SLC39A3: variants seen among roughly 807,000 people sequenced by gnomAD.
SLC39A3 encodes the protein zinc transporter ZIP3.
Under a neutral mutation model 5.1 loss-of-function variants are expected in SLC39A3, and 3 were observed. The ratio of observed to expected loss-of-function variants is 0.59; its 90% confidence interval spans 0.27 to 1.54. The LOEUF is 1.54. Among genes scored for constraint, SLC39A3 ranks in the 40% most tolerant of loss-of-function variants. SLC39A3 has a pLI of 0.12. For missense variants in SLC39A3, 412 were observed against 436.4 expected, an observed-to-expected ratio of 0.94 and a Z score of 0.50; for synonymous variants, 250 against 218.8, an observed-to-expected ratio of 1.14 and a Z score of -1.26.
chr19:2,736,347 C>T, intron 2 of SLC39A3: 1 of 227,090 alleles, frequency 4.4e-6, no homozygotes, highest in Non-Finnish European at 7.4e-6. Context: ...TGACATGGGA[C>T]TGTGCCCTCT....
Position 2,733,622 on chromosome 19 carries a change from G to T in SLC39A3, c.211-137C>A. The T allele has an allele frequency of 8.5e-7, 1 of 1,178,742 alleles. No individual in the cohort carries two copies. Among genetic ancestry groups the T allele is most frequent in the East Asian group, 2.6e-5 (1 of 38,948 alleles). The allele number at this position is 1,178,742 out of a possible 1,614,324, so 73.0% of individuals were successfully genotyped here. ...ACAGAGGTTAAAACAAGTGGGAGAGGAAGGGCTCGCCTGTGATGAATTAAC... is the reference window on the plus strand; with the variant it reads ...ACAGAGGTTAAAACAAGTGGGAGAGTAAGGGCTCGCCTGTGATGAATTAAC... On this transcript the variant is annotated intron_variant, in intron 2 of 2. Coordinates refer to ENST00000269740, the MANE Select transcript of SLC39A3 (RefSeq NM_144564.5). This position sits in a 1 kb window ranked among gnomAD's most constrained non-coding sequence, Gnocchi z 6.1.
rs761058812 is a variant in SLC39A3, at chr19:2,735,190, CAGG to C, written c.211-1708_211-1706del. On this transcript the variant is annotated intron_variant, in intron 2 of 2. Coordinates refer to ENST00000269740, the MANE Select transcript of SLC39A3 (RefSeq NM_144564.5). The surrounding 1 kb of genome is among the most constrained non-coding windows in gnomAD (Gnocchi z 5.7). ...GGGGCTGGCAGTGGCCTCTGCGATG[CAGG>C]AGATGTCAGAGATGACCAAGATCTC... 1 of 985,348 alleles carries C rather than the reference CAGG, an allele frequency of 1.0e-6. No homozygotes were observed. Among genetic ancestry groups the C allele is most frequent in the Admixed American group, 6.1e-5 (1 of 16,272 alleles). The allele number at this position is 985,348 out of a possible 1,614,324, so 61.0% of individuals were successfully genotyped here. A position where few individuals can be genotyped will look rare whatever the true frequency, so the allele number is the denominator to read the frequency against.
rs1030345095 is a variant in SLC39A3, at chr19:2,734,255, G to A, written c.211-770C>T. Among the ~76,000 whole-genome samples, 1 of 152,230 alleles carries A rather than the reference G, an allele frequency of 6.6e-6. No homozygotes were observed. The highest frequency in any genetic ancestry group is 6.5e-5 in the Admixed American group (1 of 15,286). ...CAACAGCTCCCTGGAGCCTCGTCACGGCAGGGCCAGAGTTCACAGCCACCC... is the reference window on the plus strand; with the variant it reads ...CAACAGCTCCCTGGAGCCTCGTCACAGCAGGGCCAGAGTTCACAGCCACCC... On this transcript the variant is annotated intron_variant, in intron 2 of 2. Coordinates refer to ENST00000269740, the MANE Select transcript of SLC39A3 (RefSeq NM_144564.5). The surrounding 1 kb of genome is among the most constrained non-coding windows in gnomAD (Gnocchi z 4.6).
At position 2,733,314 on chromosome 19, in the gene SLC39A3, C is replaced by T; in HGVS notation, c.382G>A (p.Gly128Ser). The T allele has an allele frequency of 6.2e-7, 1 of 1,613,024 alleles. No homozygotes were observed. Among genetic ancestry groups the T allele is most frequent in the Non-Finnish European group, 8.5e-7 (1 of 1,180,014 alleles). Reference sequence around the variant, plus strand: ...GGGCTCTCATACTCCGAGTCGCTGCCCACGTCCGATCCGGCGTTGAAGGTC... The same window carrying T: ...GGGCTCTCATACTCCGAGTCGCTGCTCACGTCCGATCCGGCGTTGAAGGTC... ...LETFNAGSDV[G>S]SDSEYESPFM... The change falls in exon 3 of 3, where the codon GGC (glycine) becomes AGC (serine). Residue 128 changes from glycine (G) to serine (S), a missense_variant. Transcript: ENST00000269740. The surrounding 1 kb of genome is among the most constrained non-coding windows in gnomAD (Gnocchi z 6.1).
chr19:2,736,853 A>G (rs1194954350), intron 2 of SLC39A3, 195 bp downstream of exon 2: 8 of 1,482,466 alleles, frequency 5.4e-6, no homozygotes, highest in Non-Finnish European at 7.2e-6. Context: ...TCTGGTCCAA[A>G]CCCCTTGTTT....
intron 1 of SLC39A3, 39 bp from the exon 2 acceptor site, chr19:2,737,418 T>C: frequency 7.4e-7 from 1 of 1,357,658 alleles, no homozygotes; most frequent in South Asian, 1.6e-5. Context: ...TTTCTTTCTT[T>C]TTTCTTTTTT....
chr19:2,733,135 G>A lies in SLC39A3; in HGVS notation c.561C>T (p.Ala187=). ...TCTCCCCCTCCTCCTGCAGGCCCAG[G>A]GCCAGGCCCTCAAAGACCGAGTGGG... ...LSAHSVFEGL[A]LGLQEEGEKV... Residue 187 remains alanine, a synonymous_variant, in exon 3 of 3, where the codon GCC becomes GCT. Transcript: ENST00000269740. The surrounding 1 kb of genome is among the most constrained non-coding windows in gnomAD (Gnocchi z 6.1). The A allele has an allele frequency of 6.2e-7, 1 of 1,611,194 alleles. No individual in the cohort carries two copies. The highest frequency in any genetic ancestry group is 8.5e-7 in the Non-Finnish European group (1 of 1,179,234).
chr19:2,735,422 A>T lies in SLC39A3; in HGVS notation c.210+1626T>A, dbSNP rs1914332387. 1 of 160,904 alleles carries T rather than the reference A, an allele frequency of 6.2e-6. No homozygotes were observed. Among genetic ancestry groups the T allele is most frequent in the Admixed American group, 6.5e-5 (1 of 15,276 alleles). 10.0% of individuals were successfully genotyped at this position (160,904 alleles called of 1,614,324 possible). Reference sequence around the variant, plus strand: ...ACACCCAGGGTCCTCTTCCAAGCTCACTGGAGGTCGGAAGAGTCCACCTCC... The same window carrying T: ...ACACCCAGGGTCCTCTTCCAAGCTCTCTGGAGGTCGGAAGAGTCCACCTCC... On this transcript the variant is annotated intron_variant, in intron 2 of 2. Transcript: ENST00000269740. This position sits in a 1 kb window ranked among gnomAD's most constrained non-coding sequence, Gnocchi z 5.7.
rs769054198 is a variant in SLC39A3 at position 2,737,179 on chromosome 19, C to G, written c.79G>C (p.Val27Leu). 3 of 1,614,122 alleles carry G rather than the reference C, an allele frequency of 1.9e-6. No homozygotes were observed. The East Asian group carries it at 6.7e-5, about 36-fold the overall frequency. The stretch of plus-strand genomic sequence containing the variant: ...TCAAAATCTGTCTCGATGATCTTCA[C>G]GGGGAGCAGGGAGCCGAGCAGCATG... The part of the protein sequence containing the change: ...FFMLLGSLLP[V>L]KIIETDFEKA... Residue 27 changes from valine to leucine, a missense_variant, in exon 2 of 3, where the codon GTG becomes CTG. Transcript: ENST00000269740.
chr19:2,737,329 G>A lies in SLC39A3; in HGVS notation c.-72C>T. Reference sequence around the variant, plus strand: ...TGGGCGCACACCCAAGTCCCACGATGTGCTACCGAGCCCAACCACACAGTT... The same window carrying A: ...TGGGCGCACACCCAAGTCCCACGATATGCTACCGAGCCCAACCACACAGTT... On this transcript the variant is annotated 5_prime_UTR_variant, in exon 2 of 3. Coordinates refer to ENST00000269740, the MANE Select transcript of SLC39A3 (RefSeq NM_144564.5). 6.6e-7 allele frequency: 1 copy of A among 1,512,508 alleles called. No individual in the cohort carries two copies. Among genetic ancestry groups the A allele is most frequent in the Non-Finnish European group, 8.9e-7 (1 of 1,124,790 alleles). The allele number at this position is 1,512,508 out of a possible 1,614,324, so 93.7% of individuals were successfully genotyped here. A position where few individuals can be genotyped will look rare whatever the true frequency, so the allele number is the denominator to read the frequency against.
Position 2,732,571 on chromosome 19 carries a change from G to T in SLC39A3, c.*180C>A. 12 of 1,427,982 alleles carry T rather than the reference G, an allele frequency of 8.4e-6. No individual in the cohort carries two copies. The highest frequency in any genetic ancestry group is 1.1e-5 in the Non-Finnish European group (12 of 1,095,772). 88.5% of individuals were successfully genotyped at this position (1,427,982 alleles called of 1,614,324 possible). A position where few individuals can be genotyped will look rare whatever the true frequency, so the allele number is the denominator to read the frequency against. ...AAGAAGTATTTTAAAAAGTAGCAGT[G>T]CTCTGAGGCTCAGGGTGTAGGATCG... On this transcript the variant is annotated 3_prime_UTR_variant, in exon 3 of 3. Coordinates refer to ENST00000269740, the MANE Select transcript of SLC39A3 (RefSeq NM_144564.5).
At position 2,733,455 on chromosome 19, in the gene SLC39A3, T is replaced by C. The variant is rs1568299472; in HGVS notation, c.241A>G (p.Ser81Gly). Residue 81 changes from serine to glycine, a missense_variant, in exon 3 of 3, where the codon AGC becomes GGC. Ser to Gly is a moderately conservative substitution (Grantham distance 56, BLOSUM62 0). Transcript: ENST00000269740. The surrounding 1 kb of genome is among the most constrained non-coding windows in gnomAD (Gnocchi z 6.1). ...GTTTCGGCCAGCGGGTAGTCGGTGC[T>C]GATGTGGCCGAGGCTCAGGACCTTC... Reference protein sequence around the residue: ...LQKVLSLGHISTDYPLAETIL... With the variant: ...LQKVLSLGHIGTDYPLAETIL... 1.9e-6 allele frequency: 3 copies of C among 1,612,492 alleles called. No individual in the cohort carries two copies. The East Asian group carries it at 6.7e-5, about 36-fold the overall frequency.
At chr19:2,736,727 G>C (rs1288699591) in intron 2 of SLC39A3, 4 of 1,419,926 alleles carry the variant, frequency 2.8e-6, no homozygotes, top group South Asian at 1.5e-5. Flanking sequence ...ACTGATATAG[G>C]AACCGAAGAG....
Position 2,735,410 on chromosome 19 carries a change from T to G in SLC39A3, c.210+1638A>C, listed in dbSNP as rs2144697278. Reference sequence around the variant, plus strand: ...GAGATCTCACTGACACCCAGGGTCCTCTTCCAAGCTCACTGGAGGTCGGAA... The same window carrying G: ...GAGATCTCACTGACACCCAGGGTCCGCTTCCAAGCTCACTGGAGGTCGGAA... On this transcript the variant is annotated intron_variant, in intron 2 of 2. Transcript: ENST00000269740. This position sits in a 1 kb window ranked among gnomAD's most constrained non-coding sequence, Gnocchi z 5.7. 1 of 164,824 alleles carries G rather than the reference T, an allele frequency of 6.1e-6. No individual in the cohort carries two copies. The highest frequency in any genetic ancestry group is 1.9e-4 in the East Asian group (1 of 5,204). 10.2% of individuals were successfully genotyped at this position (164,824 alleles called of 1,614,324 possible). A position where few individuals can be genotyped will look rare whatever the true frequency, so the allele number is the denominator to read the frequency against.
Position 2,732,799 on chromosome 19 carries a change from C to A in SLC39A3, c.897G>T (p.Leu299=), listed in dbSNP as rs1270927821. The part of the protein sequence containing the change: ...KSDRLLKVLF[L]VLGYTVLAGM... ...CGGCCAGGACGGTGTAGCCCAGCACCAGGAAGAGGACCTTGAGCAGACGGT... is the reference window on the plus strand; with the variant it reads ...CGGCCAGGACGGTGTAGCCCAGCACAAGGAAGAGGACCTTGAGCAGACGGT... Residue 299 remains leucine (L), a synonymous_variant, in exon 3 of 3, where the codon CTG becomes CTT. Coordinates refer to ENST00000269740, the MANE Select transcript of SLC39A3 (RefSeq NM_144564.5). 2 of 1,609,082 alleles carry A rather than the reference C, an allele frequency of 1.2e-6. No individual in the cohort carries two copies. Among genetic ancestry groups the A allele is most frequent in the Non-Finnish European group, 1.7e-6 (2 of 1,177,704 alleles).
chr19:2,736,321 C>T (rs569479272), intron 2 of SLC39A3: 7 of 338,890 alleles, frequency 2.1e-5, no homozygotes, highest in Non-Finnish European at 2.5e-5. Context: ...GGAAGGGATA[C>T]CCTGTCACCT....
Position 2,732,624 on chromosome 19 carries a change from C to CT in SLC39A3, c.*126dup. On this transcript the variant is annotated 3_prime_UTR_variant, in exon 3 of 3. Transcript: ENST00000269740. ...GGCACAGCCTGGTCCCGGGAGGCCC[C>CT]TTGTGCACAGGTGGTGGCCCAGGGC... The CT allele has an allele frequency of 7.0e-7, 1 of 1,425,740 alleles. No individual in the cohort carries two copies. Among genetic ancestry groups the CT allele is most frequent in the Non-Finnish European group, 9.2e-7 (1 of 1,092,496 alleles). 88.3% of individuals were successfully genotyped at this position (1,425,740 alleles called of 1,614,324 possible). A position where few individuals can be genotyped will look rare whatever the true frequency, so the allele number is the denominator to read the frequency against.
chr19:2,737,259 GT>G lies in SLC39A3; in HGVS notation c.-3del. On this transcript the variant is annotated 5_prime_UTR_variant, in exon 2 of 3. Coordinates refer to ENST00000269740, the MANE Select transcript of SLC39A3 (RefSeq NM_144564.5). ...TTTGGCCACTAGCAATTTCACCATG[GT>G]GGCGGCTTGGGCTGCTCTGGTCACT... 1.9e-6 allele frequency: 3 copies of G among 1,609,698 alleles called. No individual in the cohort carries two copies. Among genetic ancestry groups the G allele is most frequent in the Non-Finnish European group, 2.5e-6 (3 of 1,177,878 alleles).
intron 2 of SLC39A3, 38 bp downstream of exon 2, chr19:2,737,010 G>T (rs749281144): frequency 6.2e-7 from 1 of 1,612,554 alleles, no homozygotes; most frequent in South Asian, 1.1e-5. Context: ...TGGCCATAAG[G>T]TGCCAAGGGC....
Sources: allele counts gnomAD v4.1 joint callset (sites outside exome capture counted in the v4.1 genomes callset), GRCh38; gene constraint gnomAD v4.1.1; non-coding constraint Gnocchi (gnomAD v3.1); transcripts MANE v1.5; gene names NCBI Gene and HGNC (gene_info 2026-07-23, HGNC 2026-07-21).